Variants in BRWD1 observed in about 807,000 individuals in gnomAD.
BRWD1 encodes the protein bromodomain and WD repeat domain containing 1.
In BRWD1, 82 loss-of-function variants were observed where a neutral mutation model predicts 251.2. That is an observed-to-expected ratio of 0.33 (90% confidence interval 0.27 to 0.39). The LOEUF is 0.39. Ranked by LOEUF, BRWD1 falls within the 10% of genes least tolerant of loss-of-function variation. The pLI is 1.00. For missense variants in BRWD1, 2,233 were observed against 2,711.6 expected, an observed-to-expected ratio of 0.82 and a Z score of 3.92; for synonymous variants, 918 against 902.8, an observed-to-expected ratio of 1.02 and a Z score of -0.30.
At chr21:39,314,073 C>T (rs755832225), upstream of BRWD1, 7 of 456,018 alleles carry the variant, frequency 1.5e-5, no homozygotes, top group East Asian at 7.0e-5. Context: ...CCGGGTCGCT[C>T]GGAAGGGTCA....
chr21:39,265,964 TATC>T (rs772337421), intron 15 of BRWD1, among the ~76,000 whole-genome samples: 1 of 152,250 alleles, frequency 6.6e-6, no homozygotes, highest in Non-Finnish European at 1.5e-5. Context: ...ATTAGTTTAA[TATC>T]ATCAATTTAT....
intron 21 of BRWD1, among the ~76,000 whole-genome samples, chr21:39,247,275 T>C (rs1025588036): frequency 6.6e-6 from 1 of 152,194 alleles, no homozygotes; most frequent in South Asian, 2.1e-4. Flanking sequence ...TCTGTCAATA[T>C]ACTACAGGTT....
At chr21:39,288,669 CA>C (rs2035716298) in intron 8 of BRWD1, among the ~76,000 whole-genome samples, 1 of 152,108 alleles carries the variant, frequency 6.6e-6, no homozygotes, top group Non-Finnish European at 1.5e-5. Flanking sequence ...TCAATTAACA[CA>C]TATTTTTGTA....
At chr21:39,210,671 C>CA in intron 35 of BRWD1, 115 bp downstream of exon 35, 1 of 1,273,680 alleles carries the variant, frequency 7.9e-7, no homozygotes, top group Non-Finnish European at 1.1e-6. Context: ...GTGATAGGAG[C>CA]AAAAAAGTTA....
intron 15 of BRWD1, among the ~76,000 whole-genome samples, chr21:39,267,767 T>G (rs1028796976): frequency 1.3e-5 from 2 of 152,232 alleles, no homozygotes; most frequent in African/African-American, 4.8e-5. Context: ...CTATTCAAAG[T>G]GTTATTGTCA....
At chr21:39,277,227 G>C in intron 11 of BRWD1, 24 bp downstream of exon 11, 12 of 1,544,960 alleles carry the variant, frequency 7.8e-6, no homozygotes, top group Non-Finnish European at 1.1e-5. Flanking sequence ...TTAATCTAAA[G>C]GATTTTAAAA....
chr21:39,210,205 A>G, intron 35 of BRWD1, 58 bp from the exon 36 acceptor site: 1 of 1,391,002 alleles, frequency 7.2e-7, no homozygotes, highest in East Asian at 2.3e-5. Flanking sequence ...TAGAAATGTA[A>G]ATGCATCAGA....
At position 39,232,512 on chromosome 21, in the gene BRWD1, G is replaced by C. The variant is rs201813884; in HGVS notation, c.2767-14C>G. 16 of 1,581,680 alleles carry C rather than the reference G, an allele frequency of 1.0e-5. No individual in the cohort carries two copies. In the African/African-American group the frequency reaches 1.9e-4, roughly 19 times the overall value. On this transcript the variant is annotated splice_polypyrimidine_tract_variant and intron_variant, in intron 23 of 40. Transcript: ENST00000342449. ...CCTCCGCAAATTCTACCAAGGGGAA[G>C]AGAACAAAGTTTCTTAGATTAGAAA...
chr21:39,222,875 C>T (rs1350717009), intron 29 of BRWD1, among the ~76,000 whole-genome samples: 1 of 152,134 alleles, frequency 6.6e-6, no homozygotes, highest in East Asian at 1.9e-4. Flanking sequence ...ACACATACCC[C>T]CTAAATCAAA....
rs775138204 is a variant in BRWD1, at chr21:39,236,666, T to C, written c.2695A>G (p.Ile899Val). 1.6e-5 allele frequency: 26 copies of C among 1,613,568 alleles called. No individual in the cohort carries two copies. The highest frequency in any genetic ancestry group is 2.2e-5 in the East Asian group (1 of 44,884). ...GGAGGAGATAAATTCTCAGTAGATATTTCATCTTCTGAACTACTACAAAAT... is the reference window on the plus strand; with the variant it reads ...GGAGGAGATAAATTCTCAGTAGATACTTCATCTTCTGAACTACTACAAAAT... ...TRFCSSSEDE[I>V]STENLSPPKR... The change falls in exon 23 of 41, where the codon ATA becomes GTA. Residue 899 changes from isoleucine (I) to valine (V), a missense_variant. Physicochemically the swap from Ile to Val is conservative, Grantham distance 29. Coordinates refer to ENST00000342449, the MANE Select transcript of BRWD1 (RefSeq NM_033656.4).
At position 39,270,429 on chromosome 21, in the gene BRWD1, A is replaced by C; in HGVS notation, c.1249T>G (p.Leu417Val). 6.2e-7 allele frequency: 1 copy of C among 1,602,628 alleles called. No homozygotes were observed. The change falls in exon 14 of 41, where the codon TTA becomes GTA. Residue 417 changes from leucine (L) to valine (V), a missense_variant. Physicochemically the swap from Leu to Val is conservative, Grantham distance 32. Around this residue, in one of 12 missense-constraint regions of BRWD1, gnomAD observed 315 missense variants for 421.8 expected, o/e 0.75. Transcript: ENST00000342449. Reference protein sequence around the residue: ...LDMATRISGDLSSEEERFMKP... With the variant: ...LDMATRISGDVSSEEERFMKP... ...ATAAACCTTTCCTCTTCGGAAGATA[A>C]GTCCCTAACAAAAAAATACACAACA... is the stretch of plus-strand genomic sequence containing the variant.
rs956303942 is a variant in BRWD1 at position 39,188,762 on chromosome 21, T to C, written c.*7497A>G. On this transcript the variant is annotated 3_prime_UTR_variant, in exon 41 of 41. Transcript: ENST00000342449. ...CTCCCCAGAATAGGTTAGGAAATAC[T>C]TTATTCAAAGCAACCCCACCACATA... The C allele has an allele frequency of 4.0e-5, 39 of 985,326 alleles. No individual in the cohort carries two copies. Among genetic ancestry groups the C allele is most frequent in the South Asian group, 1.9e-4 (4 of 21,294 alleles). The allele number at this position is 985,326 out of a possible 1,614,324, so 61.0% of individuals were successfully genotyped here.
At chr21:39,274,832 G>C (rs188050268) in intron 12 of BRWD1, among the ~76,000 whole-genome samples, 18 of 152,290 alleles carry the variant, frequency 1.2e-4, no homozygotes, top group African/African-American at 4.3e-4. Context: ...ACAAGGTCAG[G>C]AGTTCGAGAT....
chr21:39,199,748 C>T, intron 39 of BRWD1, 86 bp from the exon 40 acceptor site: 1 of 1,298,104 alleles, frequency 7.7e-7, no homozygotes, highest in Non-Finnish European at 1.0e-6. Context: ...ATTTTCTTCA[C>T]TTTTTTGGGG....
chr21:39,186,341 C>T lies in BRWD1; in HGVS notation c.*9918G>A, dbSNP rs2031233288. On this transcript the variant is annotated 3_prime_UTR_variant, in exon 41 of 41. Coordinates refer to ENST00000342449, the MANE Select transcript of BRWD1 (RefSeq NM_033656.4). ...GAATTAGTCATATCAAGTGGTCATT[C>T]AGTATGAACTGCAATATTATAAACA... 1 of 152,064 alleles carries T rather than the reference C, an allele frequency of 6.6e-6. No individual in the cohort carries two copies. The highest frequency in any genetic ancestry group is 6.5e-5 in the Admixed American group (1 of 15,278). 9.4% of individuals were successfully genotyped at this position (152,064 alleles called of 1,614,324 possible). A position where few individuals can be genotyped will look rare whatever the true frequency, so the allele number is the denominator to read the frequency against.
At chr21:39,249,375 T>C (rs1308830134) in intron 20 of BRWD1, among the ~76,000 whole-genome samples, 1 of 152,220 alleles carries the variant, frequency 6.6e-6, no homozygotes, top group Non-Finnish European at 1.5e-5. Context: ...AATGTTCAAA[T>C]ATTAACTGTA....
At chr21:39,280,707 C>A (rs1033768691) in intron 8 of BRWD1, among the ~76,000 whole-genome samples, 1 of 152,162 alleles carries the variant, frequency 6.6e-6, no homozygotes, top group East Asian at 1.9e-4. Context: ...GGTATTATCT[C>A]AAATCTGTTG....
Position 39,223,893 on chromosome 21 carries a change from G to A in BRWD1, c.3382+515C>T, listed in dbSNP as rs183208347. Among the ~76,000 whole-genome samples the A allele has an allele frequency of 3.0e-3, 462 of 152,288 alleles. 2 individuals are homozygous for A. The highest frequency in any genetic ancestry group is 0.011 in the African/African-American group (442 of 41,572). On this transcript the variant is annotated intron_variant, in intron 29 of 40. Coordinates refer to ENST00000342449, the MANE Select transcript of BRWD1 (RefSeq NM_033656.4). ...GAGATGGAGTCTCGCTGTCGCCTAG[G>A]CTGGAGTGCAGTAGCCGCAATCTTG...
At chr21:39,260,831 G>T (rs2034718918) in intron 17 of BRWD1, among the ~76,000 whole-genome samples, 1 of 152,156 alleles carries the variant, frequency 6.6e-6, no homozygotes, top group Non-Finnish European at 1.5e-5. Context: ...GCTGGAAGAA[G>T]AATGTTAAAA....
Sources: gnomAD v4.1 joint callset for allele counts (sites outside exome capture counted in the v4.1 genomes callset) on GRCh38, gnomAD v4.1.1 for gene constraint, gnomAD v4.1.1 regional missense constraint, MANE v1.5 for transcripts, NCBI Gene and HGNC (gene_info 2026-07-23, HGNC 2026-07-21) for gene names.